Variants in SLC66A1 observed in about 807,000 individuals in gnomAD.
SLC66A1 encodes solute carrier family 66 member 1.
In SLC66A1, 23 loss-of-function variants were observed where a neutral mutation model predicts 33.0. The observed-to-expected ratio is 0.70, with a 90% CI of 0.50 to 0.99. The LOEUF is 0.99. SLC66A1 is among the 50% of genes least tolerant of loss of function. SLC66A1 has a pLI of 0.00. For missense variants in SLC66A1, 335 were observed against 383.6 expected, an observed-to-expected ratio of 0.87 and a Z score of 1.06; for synonymous variants, 164 against 175.5, an observed-to-expected ratio of 0.93 and a Z score of 0.52.
At chr1:19,324,809 A>C in intron 3 of SLC66A1, 47 bp downstream of exon 3, 1 of 1,604,662 alleles carries the variant, frequency 6.2e-7, no homozygotes, top group South Asian at 1.1e-5. Context: ...ACCCTGCTTC[A>C]CCCTGCAGGG....
downstream of SLC66A1, among the ~76,000 whole-genome samples, chr1:19,330,157 C>G (rs376192554): frequency 6.6e-6 from 1 of 152,024 alleles, no homozygotes; most frequent in Non-Finnish European, 1.5e-5. Context: ...ATTCCACTTT[C>G]CTGGGGGTCA....
chr1:19,328,191 C>A lies in SLC66A1; in HGVS notation c.805-381C>A. The A allele has an allele frequency of 2.7e-6, 1 of 371,394 alleles. No homozygotes were observed. The highest frequency in any genetic ancestry group is 5.0e-6 in the Non-Finnish European group (1 of 199,176). The allele number at this position is 371,394 out of a possible 1,614,324, so 23.0% of individuals were successfully genotyped here. A position where few individuals can be genotyped will look rare whatever the true frequency, so the allele number is the denominator to read the frequency against. On this transcript the variant is annotated intron_variant, in intron 7 of 7. Coordinates refer to ENST00000375153, the MANE Select transcript of SLC66A1 (RefSeq NM_001040125.2). This position sits in a 1 kb window ranked among gnomAD's most constrained non-coding sequence, Gnocchi z 4.7. ...GCCTTTGTTTTAATATTTGTTAAGT[C>A]CCTGCCGGGCGCAGGGAGGGGTGAA...
intron 2 of SLC66A1, among the ~76,000 whole-genome samples, chr1:19,323,134 C>T (rs899583585): frequency 6.6e-6 from 1 of 151,888 alleles, no homozygotes; most frequent in Non-Finnish European, 1.5e-5. Context: ...TTGCCTCAGC[C>T]TCCTGAAGTG....
At chr1:19,317,177 A>G (rs1201789096) in intron 1 of SLC66A1, among the ~76,000 whole-genome samples, 1 of 152,156 alleles carries the variant, frequency 6.6e-6, no homozygotes, top group Admixed American at 6.5e-5. Flanking sequence ...AGTCATAGGA[A>G]AAGGTAACAT....
chr1:19,317,641 G>A lies in SLC66A1; in HGVS notation c.-37G>A. On this transcript the variant is annotated 5_prime_UTR_variant, in exon 2 of 8. Coordinates refer to ENST00000375153, the MANE Select transcript of SLC66A1 (RefSeq NM_001040125.2). ...AGAACACCAGCGCCCTCCCTCCGGT[G>A]CAGCCCTGCCTGGCCGGGGGCCCCT... 1 of 1,609,222 alleles carries A rather than the reference G, an allele frequency of 6.2e-7. No homozygotes were observed. The highest frequency in any genetic ancestry group is 8.5e-7 in the Non-Finnish European group (1 of 1,177,256).
Position 19,317,639 on chromosome 1 carries a change from G to A in SLC66A1, c.-39G>A. On this transcript the variant is annotated 5_prime_UTR_variant, in exon 2 of 8. In the 5' UTR this introduces an upstream ATG that the reference lacks. Transcript: ENST00000375153. Reference sequence around the variant, plus strand: ...TCAGAACACCAGCGCCCTCCCTCCGGTGCAGCCCTGCCTGGCCGGGGGCCC... The same window carrying A: ...TCAGAACACCAGCGCCCTCCCTCCGATGCAGCCCTGCCTGGCCGGGGGCCC... 6.2e-7 allele frequency: 1 copy of A among 1,608,654 alleles called. No individual in the cohort carries two copies. Among genetic ancestry groups the A allele is most frequent in the Non-Finnish European group, 8.5e-7 (1 of 1,176,972 alleles).
intron 3 of SLC66A1, 94 bp from the exon 4 acceptor site, chr1:19,325,401 G>A (rs960757808): frequency 2.2e-5 from 18 of 831,666 alleles, no homozygotes; most frequent in African/African-American, 1.2e-4. Flanking sequence ...GACTTGGTCC[G>A]GGTCACCCAG....
chr1:19,317,976 C>G, intron 2 of SLC66A1, 135 bp downstream of exon 2: 1 of 1,339,880 alleles, frequency 7.5e-7, no homozygotes, highest in Non-Finnish European at 1.0e-6. Context: ...GTTCCCTCGA[C>G]AGGGACCTGC....
At chr1:19,319,605 G>GTTTTTTT (rs569177720) in intron 2 of SLC66A1, among the ~76,000 whole-genome samples, 2,109 of 111,758 alleles carry the variant, frequency 0.019, 207 homozygotes, top group African/African-American at 0.061. Context: ...GCACATTCAT[G>GTTTTTTT]TTTTTTTTTT....
At chr1:19,332,453 A>G (rs1282614738), downstream of SLC66A1, among the ~76,000 whole-genome samples, 3 of 152,042 alleles carry the variant, frequency 2.0e-5, no homozygotes, top group Admixed American at 1.3e-4. Context: ...AATGCCTGGA[A>G]CCTCCCCCAG....
chr1:19,329,607 A>T (rs2093887002), downstream of SLC66A1, among the ~76,000 whole-genome samples: 1 of 152,236 alleles, frequency 6.6e-6, no homozygotes, highest in Non-Finnish European at 1.5e-5. Flanking sequence ...TCTCCATCGC[A>T]GTTCCTCAGT....
At chr1:19,330,302 G>A (rs2093888934), downstream of SLC66A1, among the ~76,000 whole-genome samples, 1 of 152,190 alleles carries the variant, frequency 6.6e-6, no homozygotes, top group Admixed American at 6.5e-5. Context: ...GTCTTGGGGA[G>A]AGACGCTGCG....
chr1:19,327,698 A>G, intron 7 of SLC66A1: 1 of 606,744 alleles, frequency 1.6e-6, no homozygotes, highest in South Asian at 1.5e-5. Flanking sequence ...GCTATCATCA[A>G]AGAATTACTT....
At chr1:19,315,465 A>G (rs1194254962) in intron 1 of SLC66A1, among the ~76,000 whole-genome samples, 3 of 152,186 alleles carry the variant, frequency 2.0e-5, no homozygotes, top group African/African-American at 4.8e-5. Context: ...CTGAGGGTCT[A>G]CGGCTTCCTG....
downstream of SLC66A1, among the ~76,000 whole-genome samples, chr1:19,331,086 A>G (rs528421204): frequency 6.6e-6 from 1 of 152,214 alleles, no homozygotes; most frequent in South Asian, 2.1e-4. Context: ...ATCTCAGCTC[A>G]CTGCAACCTC....
downstream of SLC66A1, among the ~76,000 whole-genome samples, chr1:19,333,232 CAG>C (rs757201363): frequency 2.0e-5 from 3 of 152,134 alleles, no homozygotes; most frequent in Non-Finnish European, 2.9e-5. This position sits in a 1 kb window ranked among gnomAD's most constrained non-coding sequence, Gnocchi z 4.2. Flanking sequence ...TGTTTTGAGA[CAG>C]AGTCACTCCG....
rs375960046 is a variant in SLC66A1, at chr1:19,317,655, C to T, written c.-23C>T. The T allele has an allele frequency of 1.4e-5, 23 of 1,612,368 alleles. No individual in the cohort carries two copies. The highest frequency in any genetic ancestry group is 2.0e-5 in the Non-Finnish European group (23 of 1,178,916). On this transcript the variant is annotated 5_prime_UTR_variant, in exon 2 of 8. Transcript: ENST00000375153. ...CTCCCTCCGGTGCAGCCCTGCCTGG[C>T]CGGGGGCCCCTCCTCCACAGCCATG...
intron 2 of SLC66A1, 100 bp downstream of exon 2, chr1:19,317,941 CT>C: frequency 6.7e-7 from 1 of 1,500,604 alleles, no homozygotes; most frequent in Non-Finnish European, 9.0e-7. Context: ...GGCCACGGGC[CT>C]CTCCAGACTA....
chr1:19,326,169 C>G (rs994649417), intron 4 of SLC66A1, 76 bp from the exon 5 acceptor site: 2 of 1,436,756 alleles, frequency 1.4e-6, no homozygotes, highest in Admixed American at 3.7e-5. Flanking sequence ...GGGGCAAGGC[C>G]AGGACTTAGC....
Sources: allele counts gnomAD v4.1 joint callset (sites outside exome capture counted in the v4.1 genomes callset), GRCh38; gene constraint gnomAD v4.1.1; non-coding constraint Gnocchi (gnomAD v3.1); transcripts MANE v1.5; gene names NCBI Gene and HGNC (gene_info 2026-07-23, HGNC 2026-07-21).